The following PRKAR1B variants were observed in gnomAD, a reference collection of about 807,000 sequenced individuals.
The protein encoded by PRKAR1B is cAMP-dependent protein kinase type I-beta regulatory subunit.
PRKAR1B carries 22 observed loss-of-function variants against 46.5 expected under a neutral mutation model. The ratio of observed to expected loss-of-function variants is 0.47; its 90% confidence interval spans 0.34 to 0.68. The LOEUF (loss-of-function observed/expected upper bound fraction) is 0.68. PRKAR1B is among the 30% of genes least tolerant of loss of function. The pLI, the probability that PRKAR1B is intolerant of heterozygous loss-of-function variation, is 0.01. For synonymous variants in PRKAR1B, 259 were observed against 217.7 expected, an observed-to-expected ratio of 1.19 and a Z score of -1.67; for missense variants, 445 against 535.6, an observed-to-expected ratio of 0.83 and a Z score of 1.67.
intron 4 of PRKAR1B, among the ~76,000 whole-genome samples, chr7:616,445 G>C (rs1249584814): frequency 1.3e-5 from 2 of 152,254 alleles, no homozygotes; most frequent in African/African-American, 4.8e-5. Context: ...CGGGGGACCA[G>C]GGGACCAGCT....
chr7:593,687 C>T lies in PRKAR1B; in HGVS notation c.708+2459G>A, dbSNP rs767803212. The stretch of plus-strand genomic sequence containing the variant: ...GGTGTCTCAGGGGACCCCTCCCACG[C>T]GGCGACAGAGGCCTCCCAGTGAAGG... On this transcript the variant is annotated intron_variant, in intron 7 of 10. Coordinates refer to ENST00000537384, the MANE Select transcript of PRKAR1B (RefSeq NM_001164760.2). This position sits in a 1 kb window ranked among gnomAD's most constrained non-coding sequence, Gnocchi z 6.1. 6.6e-5 allele frequency among the ~76,000 whole-genome samples: 10 copies of T among 152,158 alleles called. No homozygotes were observed. The highest frequency in any genetic ancestry group is 2.1e-4 in the South Asian group (1 of 4,824).
intron 9 of PRKAR1B, among the ~76,000 whole-genome samples, chr7:558,774 A>G (rs1314468646): frequency 3.9e-5 from 6 of 152,012 alleles, no homozygotes; most frequent in African/African-American, 7.3e-5. Flanking sequence ...AAAAAAGAAG[A>G]AGGAAAACCA....
chr7:614,252 C>A (rs919784264), intron 4 of PRKAR1B, among the ~76,000 whole-genome samples: 5 of 152,224 alleles, frequency 3.3e-5, no homozygotes, highest in South Asian at 2.1e-4. Flanking sequence ...GCAGCATATA[C>A]GACAGGATGC....
At chr7:594,322 C>T (rs984055188) in intron 7 of PRKAR1B, among the ~76,000 whole-genome samples, 4 of 152,134 alleles carry the variant, frequency 2.6e-5, no homozygotes, top group Admixed American at 1.3e-4. Context: ...AGGCCGAGGA[C>T]CCCGGCAACA....
chr7:590,855 C>T (rs1174106984), intron 7 of PRKAR1B, among the ~76,000 whole-genome samples: 6 of 152,224 alleles, frequency 3.9e-5, no homozygotes, highest in South Asian at 2.1e-4. Flanking sequence ...TCAGTGACAA[C>T]GATCTTTTCA....
intron 9 of PRKAR1B, among the ~76,000 whole-genome samples, chr7:574,040 G>A (rs1398009175): frequency 6.6e-6 from 1 of 152,238 alleles, no homozygotes; most frequent in East Asian, 1.9e-4. Context: ...CTCTGTTCAG[G>A]GGTGAGAACA....
At chr7:612,155 G>T (rs1028196884) in intron 4 of PRKAR1B, among the ~76,000 whole-genome samples, 7 of 148,154 alleles carry the variant, frequency 4.7e-5, no homozygotes, top group Admixed American at 3.4e-4. Context: ...AAGGATGGAT[G>T]ATGGATGGAT....
rs374953442 is a variant in PRKAR1B, at chr7:581,196, C to A, written c.770-1819G>T. Among the ~76,000 whole-genome samples, 36 of 151,342 alleles carry A rather than the reference C, an allele frequency of 2.4e-4. No individual in the cohort carries two copies. In the East Asian group the frequency reaches 3.9e-3, roughly 16 times the overall value. On this transcript the variant is annotated intron_variant, in intron 8 of 10. Transcript: ENST00000537384. ...CGGGCGCCTGTAGTCCCAGCTACTC[C>A]GGAGGCTGAGGCAGGAGAATGGCGT...
intron 4 of PRKAR1B, among the ~76,000 whole-genome samples, chr7:626,773 T>C (rs561245805): frequency 6.6e-5 from 10 of 152,182 alleles, no homozygotes; most frequent in African/African-American, 1.7e-4. Context: ...TCCAGTGGCA[T>C]GATCATAGCT....
intron 2 of PRKAR1B, chr7:691,471 G>A: frequency 7.7e-7 from 1 of 1,302,050 alleles, no homozygotes; most frequent in Non-Finnish European, 1.0e-6. Context: ...GGATGAAGAT[G>A]CAGGCAGGGC....
At chr7:571,965 G>A (rs111495753) in intron 9 of PRKAR1B, among the ~76,000 whole-genome samples, 3,321 of 152,318 alleles carry the variant, frequency 0.022, 105 homozygotes, top group African/African-American at 0.066. Context: ...GGTGTCCGCC[G>A]GAGGCAGGGC....
intron 4 of PRKAR1B, among the ~76,000 whole-genome samples, chr7:674,326 G>C (rs1392627067): frequency 6.6e-6 from 1 of 151,912 alleles, no homozygotes; most frequent in South Asian, 2.1e-4. Context: ...TCCATGCTTA[G>C]ATACTCCAGC....
chr7:683,478 C>T (rs1050521990), intron 2 of PRKAR1B, among the ~76,000 whole-genome samples: 1 of 152,148 alleles, frequency 6.6e-6, no homozygotes, highest in African/African-American at 2.4e-5. Context: ...GACCCCAGCC[C>T]GCCCTGGCTT....
intron 2 of PRKAR1B, among the ~76,000 whole-genome samples, chr7:706,146 C>G (rs555668398): frequency 1.9e-4 from 29 of 151,986 alleles, no homozygotes; most frequent in African/African-American, 7.3e-5. Context: ...GGCAACATGG[C>G]GAAATCCCGT....
intron 1 of PRKAR1B, among the ~76,000 whole-genome samples, chr7:711,947 C>T (rs1780657854): frequency 6.6e-6 from 1 of 151,878 alleles, no homozygotes; most frequent in African/African-American, 2.4e-5. Context: ...TGCTGGGGGC[C>T]CCTGCGCGCG....
intron 4 of PRKAR1B, among the ~76,000 whole-genome samples, chr7:647,231 G>A (rs565286037): frequency 2.0e-5 from 3 of 152,104 alleles, no homozygotes; most frequent in East Asian, 1.9e-4. Context: ...CCTCACTCCC[G>A]TTCTCACCCT....
At position 692,195 on chromosome 7, in the gene PRKAR1B, T is replaced by C. The variant is rs184950485; in HGVS notation, c.178-11469A>G. Among the ~76,000 whole-genome samples, 481 of 152,156 alleles carry C rather than the reference T, an allele frequency of 3.2e-3. 4 individuals carry two copies. Among genetic ancestry groups the C allele is most frequent in the African/African-American group, 0.011 (451 of 41,520 alleles). On this transcript the variant is annotated intron_variant, in intron 2 of 10. Coordinates refer to ENST00000537384, the MANE Select transcript of PRKAR1B (RefSeq NM_001164760.2). ...CAGGCAGATCACCTGAGGTCAGGAG[T>C]TCGAGACCAGCCTGACCAACATGGT...
At chr7:632,394 A>G (rs370678928) in intron 4 of PRKAR1B, among the ~76,000 whole-genome samples, 4 of 152,148 alleles carry the variant, frequency 2.6e-5, no homozygotes, top group Admixed American at 6.5e-5. Flanking sequence ...TCTCCCATCC[A>G]CTGCCCCCCA....
chr7:670,517 G>A (rs115267216), intron 4 of PRKAR1B, among the ~76,000 whole-genome samples: 141 of 145,380 alleles, frequency 9.7e-4, no homozygotes, highest in African/African-American at 3.3e-3. Flanking sequence ...GACCGAGGAC[G>A]GCCTCTGAGC....
Sources: allele counts gnomAD v4.1 joint callset (sites outside exome capture counted in the v4.1 genomes callset), GRCh38; gene constraint gnomAD v4.1.1; non-coding constraint Gnocchi (gnomAD v3.1); transcripts MANE v1.5; gene names NCBI Gene and HGNC (gene_info 2026-07-23, HGNC 2026-07-21).